The following KIAA1217 variants were observed in gnomAD, a reference collection of about 807,000 sequenced individuals.
KIAA1217 encodes the protein sickle tail protein homolog.
In KIAA1217, 88 loss-of-function variants were observed where a neutral mutation model predicts 163.9. That is an observed-to-expected ratio of 0.54 (90% CI 0.45 to 0.64). KIAA1217 has a LOEUF of 0.64. KIAA1217 is among the 30% of genes least tolerant of loss of function. The pLI, the probability that KIAA1217 is intolerant of heterozygous loss-of-function variation, is 0.00. For synonymous variants in KIAA1217, 903 were observed against 923.1 expected, an observed-to-expected ratio of 0.98 and a Z score of 0.39; for missense variants, 2,372 against 2,475.0, an observed-to-expected ratio of 0.96 and a Z score of 0.88.
chr10:23,799,223 C>A lies in KIAA1217; in HGVS notation c.-321+103989C>A, dbSNP rs915572112. On this transcript the variant is annotated intron_variant, in intron 1 of 18. Transcript: ENST00000376462. ...CCAACCCTAACAACTTCTGTAAAGA[C>A]CCTCTCTCCAAAGAAGGTCACATTC... Among the ~76,000 whole-genome samples the A allele has an allele frequency of 2.0e-4, 30 of 152,160 alleles. 1 individual carries two copies. The highest frequency in any genetic ancestry group is 4.4e-5 in the Non-Finnish European group (3 of 68,036).
At chr10:23,753,574 T>C (rs1833768046) in intron 1 of KIAA1217, among the ~76,000 whole-genome samples, 1 of 152,218 alleles carries the variant, frequency 6.6e-6, no homozygotes, top group African/African-American at 2.4e-5. Context: ...CTCAACTTGC[T>C]ATAATATATT....
chr10:24,190,025 T>TAAA (rs78009696), intron 2 of KIAA1217, among the ~76,000 whole-genome samples: 1 of 127,098 alleles, frequency 7.9e-6, no homozygotes. Context: ...TGTCTCTATT[T>TAAA]AAAAAAAAAA....
At chr10:23,817,793 G>A (rs947483513) in intron 1 of KIAA1217, among the ~76,000 whole-genome samples, 1 of 151,120 alleles carries the variant, frequency 6.6e-6, no homozygotes, top group Admixed American at 6.6e-5. Flanking sequence ...TGCAGTTTTT[G>A]TATATGAAAT....
intron 1 of KIAA1217, among the ~76,000 whole-genome samples, chr10:23,833,711 A>G (rs1269607232): frequency 2.0e-5 from 3 of 151,638 alleles, no homozygotes; most frequent in East Asian, 3.9e-4. Context: ...GCCTATTTCC[A>G]TTCAATATCT....
intron 3 of KIAA1217, among the ~76,000 whole-genome samples, chr10:24,409,628 A>C (rs2131298217): frequency 6.6e-6 from 1 of 152,318 alleles, no homozygotes; most frequent in African/African-American, 2.4e-5. Context: ...TCTGGGGAAC[A>C]GGTAGTATTT....
chr10:23,816,029 T>C (rs568219465), intron 1 of KIAA1217, among the ~76,000 whole-genome samples: 2 of 152,290 alleles, frequency 1.3e-5, no homozygotes, highest in East Asian at 3.9e-4. Context: ...ATGAAGTCTT[T>C]TAGGAACTCC....
chr10:23,883,873 T>C (rs1841059868), intron 1 of KIAA1217, among the ~76,000 whole-genome samples: 1 of 151,950 alleles, frequency 6.6e-6, no homozygotes, highest in Non-Finnish European at 1.5e-5. Flanking sequence ...GGAATCGCAT[T>C]GTATGTCTCT....
At position 24,504,841 on chromosome 10, in the gene KIAA1217, A is replaced by C. The variant is rs145675730; in HGVS notation, c.2001+3296A>C. On this transcript the variant is annotated intron_variant, in intron 9 of 20. Transcript: ENST00000376454. ...GGAATAGAAATTTGTTGCAGACACA[A>C]TGGGGTGGGTAGATTTCAATGGGAC... Among the ~76,000 whole-genome samples the C allele has an allele frequency of 4.5e-3, 686 of 152,268 alleles. 5 individuals carry two copies. The highest frequency in any genetic ancestry group is 0.015 in the African/African-American group (633 of 41,548).
At chr10:24,083,108 T>A (rs2061589464) in intron 2 of KIAA1217, among the ~76,000 whole-genome samples, 1 of 152,220 alleles carries the variant, frequency 6.6e-6, no homozygotes, top group South Asian at 2.1e-4. Context: ...CTATTTGGCA[T>A]CTTGGCTGCC....
intron 1 of KIAA1217, among the ~76,000 whole-genome samples, chr10:23,807,004 T>A (rs1410496640): frequency 6.6e-6 from 1 of 152,180 alleles, no homozygotes; most frequent in Non-Finnish European, 1.5e-5. Flanking sequence ...GCACACAAAC[T>A]ATAACAGCTA....
At chr10:23,909,213 G>A (rs913501758) in intron 1 of KIAA1217, among the ~76,000 whole-genome samples, 1 of 152,102 alleles carries the variant, frequency 6.6e-6, no homozygotes, top group Non-Finnish European at 1.5e-5. Flanking sequence ...GAAATGGTGG[G>A]AAGGGGATGA....
intron 1 of KIAA1217, among the ~76,000 whole-genome samples, chr10:23,828,829 C>A (rs1291557983): frequency 1.3e-5 from 2 of 152,132 alleles, no homozygotes; most frequent in African/African-American, 4.8e-5. Flanking sequence ...CTATGCCAGG[C>A]CATTCTTGGA....
At chr10:23,846,096 T>G (rs1485690428) in intron 1 of KIAA1217, among the ~76,000 whole-genome samples, 1 of 152,196 alleles carries the variant, frequency 6.6e-6, no homozygotes, top group East Asian at 1.9e-4. Context: ...TCTATATAAC[T>G]GTTTTGGTAC....
intron 2 of KIAA1217, among the ~76,000 whole-genome samples, chr10:24,103,277 A>G (rs1486473799): frequency 6.6e-6 from 1 of 152,242 alleles, no homozygotes; most frequent in Non-Finnish European, 1.5e-5. Context: ...CTCAAAATGG[A>G]TATAAATGCA....
rs1019446421 is a variant in KIAA1217, at chr10:24,219,700, A to G, written c.145A>G (p.Asn49Asp). The G allele has an allele frequency of 1.2e-6, 2 of 1,613,952 alleles. No homozygotes were observed. The highest frequency in any genetic ancestry group is 8.5e-7 in the Non-Finnish European group (1 of 1,179,890). The change falls in exon 2 of 21, where the codon AAT (asparagine) becomes GAT (aspartate). Residue 49 changes from asparagine to aspartate, a missense_variant. Physicochemically the swap from Asn to Asp is conservative, Grantham distance 23. This residue lies in a region of KIAA1217 where 1,431 missense variants were observed against 1,470.3 expected (regional missense o/e 0.97). Transcript: ENST00000376454. The part of the protein sequence containing the change: ...ECRRTKERLS[N>D]GNSRGSVSKS... ...CCGCAGAACCAAGGAACGCCTTTCTAATGGAAACAGTCGTGGTTCAGTTTC... is the reference window on the plus strand; with the variant it reads ...CCGCAGAACCAAGGAACGCCTTTCTGATGGAAACAGTCGTGGTTCAGTTTC...
intron 2 of KIAA1217, among the ~76,000 whole-genome samples, chr10:24,090,748 A>G (rs550566457): frequency 6.6e-6 from 1 of 151,980 alleles, no homozygotes; most frequent in South Asian, 2.1e-4. Flanking sequence ...GCTTCCTAGC[A>G]TTCTTAACTC....
intron 2 of KIAA1217, among the ~76,000 whole-genome samples, chr10:24,077,244 G>C (rs2061397666): frequency 6.6e-6 from 1 of 152,030 alleles, no homozygotes; most frequent in African/African-American, 2.4e-5. Context: ...ACCAGGTAAA[G>C]GTGTGCCATG....
At chr10:24,116,833 C>T (rs190358622) in intron 2 of KIAA1217, among the ~76,000 whole-genome samples, 14 of 152,168 alleles carry the variant, frequency 9.2e-5, no homozygotes, top group African/African-American at 2.2e-4. Flanking sequence ...CCAAGACACA[C>T]GGAAAGAAAG....
intron 1 of KIAA1217, among the ~76,000 whole-genome samples, chr10:23,769,559 T>G (rs1834704644): frequency 1.3e-5 from 2 of 152,216 alleles, no homozygotes; most frequent in South Asian, 4.1e-4. Context: ...TTGTTCTAAA[T>G]TATAAACTAT....
Sources: allele counts gnomAD v4.1 joint callset (sites outside exome capture counted in the v4.1 genomes callset), GRCh38; gene constraint gnomAD v4.1.1; regional missense constraint gnomAD v4.1.1; transcripts MANE v1.5; gene names NCBI Gene and HGNC (gene_info 2026-07-23, HGNC 2026-07-21).